NR3C2: variants seen among roughly 807,000 people sequenced by gnomAD.
The protein encoded by NR3C2 is nuclear receptor subfamily 3 group C member 2.
In NR3C2, 15 loss-of-function variants were observed where a neutral mutation model predicts 86.4. The observed-to-expected ratio is 0.17, with a 90% CI of 0.12 to 0.27. The LOEUF (loss-of-function observed/expected upper bound fraction) is 0.27. NR3C2 is among the 10% of genes least tolerant of loss of function. The pLI is 1.00. For missense variants in NR3C2, 960 were observed against 1,195.6 expected (o/e 0.80, Z 2.91); for synonymous variants, 458 against 450.5 (o/e 1.02, Z -0.21).
chr4:148,202,908 G>A (rs563142273), intron 3 of NR3C2, among the ~76,000 whole-genome samples: 2 of 152,160 alleles, frequency 1.3e-5, no homozygotes, highest in African/African-American at 4.8e-5. Flanking sequence ...GACAGTGAAG[G>A]CATAGTTTAA....
chr4:148,255,075 C>T (rs1739765409), intron 3 of NR3C2, among the ~76,000 whole-genome samples: 2 of 151,866 alleles, frequency 1.3e-5, no homozygotes, highest in South Asian at 2.1e-4. Context: ...GCTCACTGCC[C>T]CCCCCCAACA....
At chr4:148,265,615 C>T (rs1476839491) in intron 2 of NR3C2, among the ~76,000 whole-genome samples, 2 of 152,158 alleles carry the variant, frequency 1.3e-5, no homozygotes, top group South Asian at 2.1e-4. Flanking sequence ...ATGAATTAAA[C>T]AAACCTATCT....
chr4:148,329,871 C>T (rs112919870), intron 2 of NR3C2, among the ~76,000 whole-genome samples: 19 of 152,256 alleles, frequency 1.2e-4, no homozygotes, highest in African/African-American at 3.1e-4. Context: ...TATAACTAAA[C>T]ATGTTAGTTT....
chr4:148,333,726 T>C (rs1181106743), intron 2 of NR3C2, among the ~76,000 whole-genome samples: 1 of 152,132 alleles, frequency 6.6e-6, no homozygotes, highest in Non-Finnish European at 1.5e-5. Flanking sequence ...AAGGCAGTAT[T>C]AGTGCAAGAG....
intron 4 of NR3C2, among the ~76,000 whole-genome samples, chr4:148,183,111 G>C (rs994012820): frequency 1.3e-5 from 2 of 152,076 alleles, no homozygotes; most frequent in Admixed American, 1.3e-4. Context: ...TGAGAATGAT[G>C]GTTTCCAGCT....
intron 2 of NR3C2, among the ~76,000 whole-genome samples, chr4:148,420,034 C>T (rs1302022378): frequency 6.6e-6 from 1 of 152,068 alleles, no homozygotes; most frequent in African/African-American, 2.4e-5. Context: ...TGGGTGAGAC[C>T]AAACCCCCAC....
chr4:148,389,858 G>C (rs1396838477), intron 2 of NR3C2, among the ~76,000 whole-genome samples: 2 of 151,966 alleles, frequency 1.3e-5, no homozygotes, highest in Non-Finnish European at 2.9e-5. Context: ...GGCATAAAGA[G>C]AAACATGAAT....
intron 2 of NR3C2, among the ~76,000 whole-genome samples, chr4:148,283,731 CA>C (rs2149899214): frequency 6.6e-6 from 1 of 152,300 alleles, no homozygotes; most frequent in East Asian, 1.9e-4. Context: ...TAAAAAATAA[CA>C]TAACTCATTA....
chr4:148,113,899 G>A (rs1732155122), intron 8 of NR3C2, among the ~76,000 whole-genome samples: 1 of 152,168 alleles, frequency 6.6e-6, no homozygotes, highest in Non-Finnish European at 1.5e-5. Context: ...GGCCCATCCT[G>A]TATGTAAGTA....
chr4:148,435,921 AAGGGCTGGAAAC>A lies in NR3C2; in HGVS notation c.928_939del (p.Val310_Pro313del). 1 of 1,614,194 alleles carries A rather than the reference AAGGGCTGGAAAC, an allele frequency of 6.2e-7. No individual in the cohort carries two copies. Among genetic ancestry groups the A allele is most frequent in the Non-Finnish European group, 8.5e-7 (1 of 1,180,024 alleles). ...AGCGTGGATCTGTTATTAGTGTTCG[AAGGGCTGGAAAC>A]AGAGCACCTTGAGTTGTTAATATTT... is the stretch of plus-strand genomic sequence containing the variant. On this transcript the variant is annotated inframe_deletion, in exon 2 of 9. Coordinates refer to ENST00000358102, the MANE Select transcript of NR3C2 (RefSeq NM_000901.5).
intron 2 of NR3C2, among the ~76,000 whole-genome samples, chr4:148,382,856 A>T (rs1200073751): frequency 6.6e-6 from 1 of 152,174 alleles, no homozygotes; most frequent in Non-Finnish European, 1.5e-5. Context: ...GATCTCACGA[A>T]GGAAGCTGAG....
chr4:148,425,812 C>T (rs1431804199), intron 2 of NR3C2, among the ~76,000 whole-genome samples: 1 of 152,208 alleles, frequency 6.6e-6, no homozygotes, highest in African/African-American at 2.4e-5. Context: ...TCTCAAATAC[C>T]TGCTTCTTCA....
chr4:148,243,823 A>T (rs183806494), intron 3 of NR3C2, among the ~76,000 whole-genome samples: 18 of 152,308 alleles, frequency 1.2e-4, no homozygotes, highest in Admixed American at 1.2e-3. Context: ...TCAGCTGTGG[A>T]TTTCAACATC....
chr4:148,416,911 G>A (rs1218918487), intron 2 of NR3C2, among the ~76,000 whole-genome samples: 2 of 152,066 alleles, frequency 1.3e-5, no homozygotes, highest in African/African-American at 4.8e-5. Context: ...GAGTAGCTGG[G>A]ATAACAGGTG....
intron 2 of NR3C2, among the ~76,000 whole-genome samples, chr4:148,390,079 C>A (rs1272274161): frequency 1.4e-5 from 2 of 146,190 alleles, no homozygotes; most frequent in African/African-American, 5.1e-5. Flanking sequence ...AACGTCCGGG[C>A]AAGGAGGGAA....
At chr4:148,202,545 A>G (rs1579007055) in intron 3 of NR3C2, among the ~76,000 whole-genome samples, 1 of 152,128 alleles carries the variant, frequency 6.6e-6, no homozygotes, top group South Asian at 2.1e-4. Flanking sequence ...TCACTAAATG[A>G]TATATTTCAA....
intron 4 of NR3C2, among the ~76,000 whole-genome samples, chr4:148,182,141 G>A (rs557774379): frequency 6.6e-6 from 1 of 152,230 alleles, no homozygotes; most frequent in African/African-American, 2.4e-5. Context: ...AAGAAGGCGG[G>A]TAAAAGAAAC....
intron 3 of NR3C2, among the ~76,000 whole-genome samples, chr4:148,219,514 C>T (rs371815505): frequency 5.6e-4 from 85 of 152,262 alleles, no homozygotes; most frequent in African/African-American, 1.9e-3. Context: ...CATAATTATA[C>T]TTAGACATTA....
intron 4 of NR3C2, among the ~76,000 whole-genome samples, chr4:148,178,066 A>G (rs550369073): frequency 2.5e-4 from 38 of 152,352 alleles, no homozygotes; most frequent in African/African-American, 8.4e-4. Flanking sequence ...GGCTGGGCGC[A>G]GTGGCTCACG....
Sources: allele counts gnomAD v4.1 joint callset (sites outside exome capture counted in the v4.1 genomes callset), GRCh38; gene constraint gnomAD v4.1.1; transcripts MANE v1.5; gene names NCBI Gene and HGNC (gene_info 2026-07-23, HGNC 2026-07-21).